FBXW2: variants seen among roughly 807,000 people sequenced by gnomAD.
The protein encoded by FBXW2 is F-box/WD repeat-containing protein 2.
In FBXW2, 12 loss-of-function variants were observed where a neutral mutation model predicts 46.0. That is an observed-to-expected ratio of 0.26 (90% CI 0.17 to 0.42). The LOEUF (loss-of-function observed/expected upper bound fraction) is 0.42. FBXW2 is among the 10% of genes least tolerant of loss of function. The probability of loss-of-function intolerance (pLI) is 1.00; values close to 1 mark genes in which losing one functional copy is unlikely to be tolerated. For synonymous variants in FBXW2, 203 were observed against 209.6 expected (o/e 0.97, Z 0.27); for missense variants, 360 against 537.0 (o/e 0.67, Z 3.26).
At chr9:120,791,849 G>A (rs142348213) in intron 2 of FBXW2, among the ~76,000 whole-genome samples, 45 of 152,216 alleles carry the variant, frequency 3.0e-4, no homozygotes, top group Non-Finnish European at 5.7e-4. Context: ...CTACCCCAGA[G>A]TTAACATTCA....
intron 3 of FBXW2, among the ~76,000 whole-genome samples, chr9:120,781,964 G>T (rs527784662): frequency 1.3e-5 from 2 of 150,770 alleles, no homozygotes; most frequent in Admixed American, 1.3e-4. Flanking sequence ...CGGAGGTTGC[G>T]GTGAGCCAAG....
At chr9:120,779,272 C>T (rs567859025) in intron 3 of FBXW2, among the ~76,000 whole-genome samples, 2 of 152,144 alleles carry the variant, frequency 1.3e-5, no homozygotes, top group Non-Finnish European at 2.9e-5. Context: ...GTTTAAAATC[C>T]TAATGATTAA....
chr9:120,785,241 C>A (rs1000201372), intron 3 of FBXW2, among the ~76,000 whole-genome samples: 13 of 152,112 alleles, frequency 8.5e-5, no homozygotes, highest in African/African-American at 2.9e-4. Context: ...AACTCCTGGG[C>A]TCACATAATC....
In FBXW2 at chr9:120,764,904, T is replaced by C. The variant is rs982993758; in HGVS notation, c.1077-57A>G. The C allele has an allele frequency of 7.6e-6, 10 of 1,323,772 alleles. No individual in the cohort carries two copies. In the African/African-American group the frequency reaches 1.5e-4, roughly 19 times the overall value. 82.0% of individuals were successfully genotyped at this position (1,323,772 alleles called of 1,614,324 possible). On this transcript the variant is annotated intron_variant, in intron 7 of 7. Transcript: ENST00000608872. ...AAGGCAACCTTGCTTCTGTTTATGC[T>C]ACTGTAATCTTTTCTGGAGATATTT...
intron 2 of FBXW2, among the ~76,000 whole-genome samples, chr9:120,789,743 TGTAAG>T (rs1455838167): frequency 2.0e-5 from 3 of 152,202 alleles, no homozygotes; most frequent in African/African-American, 2.4e-5. Flanking sequence ...ACTTTGATAA[TGTAAG>T]GTGAGTAAAA....
Position 120,764,831 on chromosome 9 carries a change from C to T in FBXW2, c.1093G>A (p.Glu365Lys), listed in dbSNP as rs963613451. The T allele has an allele frequency of 6.3e-7, 1 of 1,588,512 alleles. No individual in the cohort carries two copies. The highest frequency in any genetic ancestry group is 8.6e-7 in the Non-Finnish European group (1 of 1,165,270). Residue 365 changes from glutamate (E) to lysine (K), a missense_variant, in exon 8 of 8, where the codon GAG becomes AAG. Coordinates refer to ENST00000608872, the MANE Select transcript of FBXW2 (RefSeq NM_012164.4). ...YDILRVIKTP[E>K]IANLALLGFG... ...CCAAGCAAGGCCAAGTTTGCTATCT[C>T]AGGAGTCTTGATGACCCTACAAGGA... is the stretch of plus-strand genomic sequence containing the variant.
rs2044153465 is a variant in FBXW2, at chr9:120,758,578, AAAG to A, written c.*5978_*5980del. On this transcript the variant is annotated 3_prime_UTR_variant, in exon 8 of 8. Transcript: ENST00000608872. ...GGATTTGAAGAGACTTGAAATACAG[AAAG>A]AACAGACAAACATGAAAACATGGAA... is the stretch of plus-strand genomic sequence containing the variant. 1 of 152,272 alleles carries A rather than the reference AAAG, an allele frequency of 6.6e-6. No individual in the cohort carries two copies. The allele number at this position is 152,272 out of a possible 1,614,324, so 9.4% of individuals were successfully genotyped here.
rs2044211091 is a variant in FBXW2, at chr9:120,762,444, ATTTC to A, written c.*2111_*2114del. The A allele has an allele frequency of 6.6e-6, 1 of 152,176 alleles. No individual in the cohort carries two copies. Among genetic ancestry groups the A allele is most frequent in the Non-Finnish European group, 1.5e-5 (1 of 68,022 alleles). The allele number at this position is 152,176 out of a possible 1,614,324, so 9.4% of individuals were successfully genotyped here. On this transcript the variant is annotated 3_prime_UTR_variant, in exon 8 of 8. Coordinates refer to ENST00000608872, the MANE Select transcript of FBXW2 (RefSeq NM_012164.4). Reference sequence around the variant, plus strand: ...TAGATTCAGTTGTGATTCCGGTTCTATTTCTAGAGTACTAAGCAGAGCTGATGCA... The same window carrying A: ...TAGATTCAGTTGTGATTCCGGTTCTATAGAGTACTAAGCAGAGCTGATGCA...
intron 2 of FBXW2, among the ~76,000 whole-genome samples, chr9:120,789,232 C>T (rs1564464514): frequency 1.3e-5 from 2 of 152,204 alleles, no homozygotes; most frequent in Admixed American, 6.5e-5. Flanking sequence ...GATCAGGTAC[C>T]AAGCTCTCTC....
Position 120,787,785 on chromosome 9 carries a change from A to G in FBXW2, c.474T>C (p.Asp158=), listed in dbSNP as rs2044755465. 1 of 1,613,494 alleles carries G rather than the reference A, an allele frequency of 6.2e-7. No individual in the cohort carries two copies. Among genetic ancestry groups the G allele is most frequent in the Non-Finnish European group, 8.5e-7 (1 of 1,179,738 alleles). ...ATCTCTTACCTGTACAGAGAAGTCC[A>G]TCTTTGTAGTAAAGTGCATACACTC... The part of the protein sequence containing the change: ...SARVYALYYK[D]GLLCTGSDDL... The change falls in exon 3 of 8, where the codon GAT becomes GAC. Residue 158 remains aspartate (D), a synonymous_variant. Transcript: ENST00000608872.
At position 120,760,654 on chromosome 9, in the gene FBXW2, A is replaced by G. The variant is rs1278300540; in HGVS notation, c.*3905T>C. The G allele has an allele frequency of 6.6e-6, 1 of 151,976 alleles. No homozygotes were observed. Among genetic ancestry groups the G allele is most frequent in the Non-Finnish European group, 1.5e-5 (1 of 68,004 alleles). The allele number at this position is 151,976 out of a possible 1,614,324, so 9.4% of individuals were successfully genotyped here. A position where few individuals can be genotyped will look rare whatever the true frequency, so the allele number is the denominator to read the frequency against. ...AAACATACAAAAAAAACAAAACAAAACAAAAAAAACAGTGATGTTGGTAGG... is the reference window on the plus strand; with the variant it reads ...AAACATACAAAAAAAACAAAACAAAGCAAAAAAAACAGTGATGTTGGTAGG... On this transcript the variant is annotated 3_prime_UTR_variant, in exon 8 of 8. Coordinates refer to ENST00000608872, the MANE Select transcript of FBXW2 (RefSeq NM_012164.4).
intron 6 of FBXW2, among the ~76,000 whole-genome samples, chr9:120,772,492 A>G (rs991163168): frequency 1.8e-4 from 3 of 16,950 alleles, no homozygotes; most frequent in East Asian, 7.9e-3. Context: ...GACTGTCTCA[A>G]AAAAAAACCA....
At chr9:120,765,244 G>A (rs1330608033) in intron 7 of FBXW2, among the ~76,000 whole-genome samples, 1 of 151,976 alleles carries the variant, frequency 6.6e-6, no homozygotes, top group South Asian at 2.1e-4. Context: ...ACAGACGGCT[G>A]CCACTGCACC....
Position 120,776,194 on chromosome 9 carries a change from T to C in FBXW2, c.718A>G (p.Ile240Val). Residue 240 changes from isoleucine to valine, a missense_variant, in exon 5 of 8, where the codon ATC becomes GTC. By Grantham distance (29) the Ile-to-Val change is conservative. Coordinates refer to ENST00000608872, the MANE Select transcript of FBXW2 (RefSeq NM_012164.4). ...FSVDYNDELD[I>V]LVSGSADFTV... ...AAGTCTGCAGAGCCGCTCACCAAGA[T>C]ATCCAGTTCATCATTGTAGTCCACG... The C allele has an allele frequency of 1.2e-6, 2 of 1,614,176 alleles. No individual in the cohort carries two copies. Among genetic ancestry groups the C allele is most frequent in the Middle Eastern group, 1.6e-4 (1 of 6,062 alleles).
chr9:120,759,436 CCTA>C lies in FBXW2; in HGVS notation c.*5120_*5122del. The C allele has an allele frequency of 6.6e-6, 1 of 152,362 alleles. No individual in the cohort carries two copies. The highest frequency in any genetic ancestry group is 2.4e-5 in the African/African-American group (1 of 41,584). 9.4% of individuals were successfully genotyped at this position (152,362 alleles called of 1,614,324 possible). ...TTTGCTTAAGCAACCTCTTCTTCCCCCTACCCCACACAGTTCAAATATAAACTT... is the reference window on the plus strand; with the variant it reads ...TTTGCTTAAGCAACCTCTTCTTCCCCCCCCACACAGTTCAAATATAAACTT... On this transcript the variant is annotated 3_prime_UTR_variant, in exon 8 of 8. Transcript: ENST00000608872.
chr9:120,782,284 G>A (rs1045592600), intron 3 of FBXW2, among the ~76,000 whole-genome samples: 1 of 151,308 alleles, frequency 6.6e-6, no homozygotes, highest in Non-Finnish European at 1.5e-5. Flanking sequence ...TGGCCAACAC[G>A]TTGAAACCCC....
In FBXW2 at chr9:120,784,792, G is replaced by A. The variant is rs563239735; in HGVS notation, c.490+2977C>T. ...AAAATTAGCCGGGCTGTGGTGGCGCGTGCCTGTAATGCCAGCTACTGAGGA... is the reference window on the plus strand; with the variant it reads ...AAAATTAGCCGGGCTGTGGTGGCGCATGCCTGTAATGCCAGCTACTGAGGA... On this transcript the variant is annotated intron_variant, in intron 3 of 7. Transcript: ENST00000608872. Among the ~76,000 whole-genome samples, 21 of 151,546 alleles carry A rather than the reference G, an allele frequency of 1.4e-4. No homozygotes were observed. In the South Asian group the frequency reaches 3.1e-3, roughly 23 times the overall value.
intron 3 of FBXW2, among the ~76,000 whole-genome samples, chr9:120,781,440 A>T (rs2044609294): frequency 6.6e-6 from 1 of 152,192 alleles, no homozygotes. Flanking sequence ...ACTGCGAAAT[A>T]GTGGCAAGGT....
In FBXW2 at chr9:120,757,394, C is replaced by A. The variant is rs2131247463; in HGVS notation, c.*7165G>T. 1 of 152,304 alleles carries A rather than the reference C, an allele frequency of 6.6e-6. No individual in the cohort carries two copies. Among genetic ancestry groups the A allele is most frequent in the Admixed American group, 6.5e-5 (1 of 15,300 alleles). The allele number at this position is 152,304 out of a possible 1,614,324, so 9.4% of individuals were successfully genotyped here. ...AATTCCACTGCTTTTGCGAGTAAGTCTTCTACTGGAACTTGTTCTAAGGAA... is the reference window on the plus strand; with the variant it reads ...AATTCCACTGCTTTTGCGAGTAAGTATTCTACTGGAACTTGTTCTAAGGAA... On this transcript the variant is annotated 3_prime_UTR_variant, in exon 8 of 8. Coordinates refer to ENST00000608872, the MANE Select transcript of FBXW2 (RefSeq NM_012164.4).
Sources: allele counts gnomAD v4.1 joint callset (sites outside exome capture counted in the v4.1 genomes callset), GRCh38; gene constraint gnomAD v4.1.1; transcripts MANE v1.5; gene names NCBI Gene and HGNC (gene_info 2026-07-23, HGNC 2026-07-21).